The following UBE3D variants were observed in gnomAD, a reference collection of about 807,000 sequenced individuals.
UBE3D encodes the protein E3 ubiquitin-protein ligase E3D.
A neutral mutation model predicts 49.6 loss-of-function variants in UBE3D; 48 were observed. The observed-to-expected ratio is 0.97, with a 90% CI of 0.77 to 1.23. The LOEUF (loss-of-function observed/expected upper bound fraction) is 1.23. Among genes scored for constraint, UBE3D ranks in the 50% most tolerant of loss-of-function variants. UBE3D has a pLI of 0.00. For missense variants in UBE3D, 452 were observed against 468.4 expected, an observed-to-expected ratio of 0.96 and a Z score of 0.32; for synonymous variants, 189 against 174.2, an observed-to-expected ratio of 1.08 and a Z score of -0.67.
At chr6:82,888,438 G>A (rs1427798397), downstream of UBE3D, among the ~76,000 whole-genome samples, 1 of 151,716 alleles carries the variant, frequency 6.6e-6, no homozygotes, top group African/African-American at 2.4e-5. Context: ...TTTAATCTAT[G>A]AAATGTTAAA....
chr6:83,010,579 C>G (rs2127758226), intron 8 of UBE3D, among the ~76,000 whole-genome samples: 1 of 149,428 alleles, frequency 6.7e-6, no homozygotes, highest in South Asian at 2.1e-4. Context: ...ACTAATAGGA[C>G]AGATATATAC....
downstream of UBE3D, among the ~76,000 whole-genome samples, chr6:82,889,550 GGAATT>G (rs1433654672): frequency 6.6e-6 from 1 of 152,102 alleles, no homozygotes; most frequent in East Asian, 1.9e-4. Flanking sequence ...AGCTCTTGAT[GGAATT>G]GAATTATTTT....
At chr6:82,907,530 C>T (rs148831017) in intron 9 of UBE3D, among the ~76,000 whole-genome samples, 2 of 152,216 alleles carry the variant, frequency 1.3e-5, no homozygotes, top group Non-Finnish European at 2.9e-5. Context: ...GGGAACAGGA[C>T]TCCTACAATC....
chr6:82,974,712 C>T (rs1370535007), intron 8 of UBE3D, among the ~76,000 whole-genome samples: 2 of 150,954 alleles, frequency 1.3e-5, no homozygotes, highest in Admixed American at 6.6e-5. Context: ...ATTCTAGAAA[C>T]GTTGTAAAGT....
intron 2 of UBE3D, among the ~76,000 whole-genome samples, chr6:83,056,195 A>G (rs769858822): frequency 1.1e-4 from 16 of 152,252 alleles, no homozygotes; most frequent in Non-Finnish European, 2.1e-4. Flanking sequence ...ATTCAGTTAC[A>G]GAATACAGAA....
At chr6:82,946,392 T>C (rs916388613) in intron 9 of UBE3D, among the ~76,000 whole-genome samples, 2 of 152,038 alleles carry the variant, frequency 1.3e-5, no homozygotes, top group African/African-American at 4.8e-5. Flanking sequence ...AAATTTACCC[T>C]AGAGTAGTAT....
intron 9 of UBE3D, among the ~76,000 whole-genome samples, chr6:82,942,940 G>A (rs1328170630): frequency 1.3e-5 from 2 of 152,196 alleles, no homozygotes; most frequent in African/African-American, 2.4e-5. Flanking sequence ...TCCACCGACA[G>A]CTTGCACTGT....
chr6:83,046,230 C>T (rs551506672), intron 3 of UBE3D, among the ~76,000 whole-genome samples: 1 of 151,456 alleles, frequency 6.6e-6, no homozygotes, highest in Non-Finnish European at 1.5e-5. Context: ...AATGTGAATG[C>T]TACTTTTTTT....
rs199506063 is a variant in UBE3D, at chr6:83,016,606, CAT to C, written c.1010+2365_1010+2366del. ...GGACGGAACTAATAGGATATATAGA[CAT>C]ATATATATGTAAATCTTTATATATA... On this transcript the variant is annotated intron_variant, in intron 8 of 9. Transcript: ENST00000369747. Among the ~76,000 whole-genome samples the C allele has an allele frequency of 9.6e-3, 1,459 of 151,498 alleles. 20 individuals carry two copies. Among genetic ancestry groups the C allele is most frequent in the African/African-American group, 0.033 (1,383 of 41,294 alleles).
intron 4 of UBE3D, among the ~76,000 whole-genome samples, chr6:83,044,121 A>G (rs1782859906): frequency 6.6e-6 from 1 of 152,240 alleles, no homozygotes; most frequent in Admixed American, 6.5e-5. Context: ...TAAAATGCAC[A>G]CAAATTATGC....
At chr6:83,029,798 G>A (rs1201829740) in intron 5 of UBE3D, among the ~76,000 whole-genome samples, 4 of 152,154 alleles carry the variant, frequency 2.6e-5, no homozygotes, top group Non-Finnish European at 5.9e-5. Context: ...CCCACAGTAT[G>A]TAGCCACTAA....
intron 3 of UBE3D, among the ~76,000 whole-genome samples, chr6:83,053,319 C>G (rs1783593157): frequency 6.6e-6 from 1 of 152,220 alleles, no homozygotes; most frequent in Admixed American, 6.5e-5. Context: ...AAGCAGGTTT[C>G]AGACAGGAAG....
At chr6:83,058,299 G>A (rs1783946019) in intron 1 of UBE3D, among the ~76,000 whole-genome samples, 1 of 152,142 alleles carries the variant, frequency 6.6e-6, no homozygotes. Context: ...ATGTTTTATA[G>A]TAAATCAGAG....
downstream of UBE3D, among the ~76,000 whole-genome samples, chr6:82,887,730 G>T (rs2127707494): frequency 6.6e-6 from 1 of 150,532 alleles, no homozygotes; most frequent in East Asian, 1.9e-4. Flanking sequence ...AGAAAGAAAA[G>T]AAAAGAATAT....
intron 9 of UBE3D, among the ~76,000 whole-genome samples, chr6:82,934,998 T>C (rs1300384090): frequency 7.1e-6 from 1 of 140,056 alleles, no homozygotes; most frequent in African/African-American, 2.6e-5. Context: ...GCAAGGAGAA[T>C]GCAAGAATGA....
intron 4 of UBE3D, among the ~76,000 whole-genome samples, chr6:83,043,989 C>T (rs1440203247): frequency 6.6e-6 from 1 of 152,126 alleles, no homozygotes; most frequent in Non-Finnish European, 1.5e-5. Flanking sequence ...GATGACATCT[C>T]CATTTATGAC....
chr6:82,886,916 G>A, the UBE3D span, among the ~76,000 whole-genome samples: 1 of 152,034 alleles, frequency 6.6e-6, no homozygotes, highest in Non-Finnish European at 1.5e-5. Flanking sequence ...CTTATTTCAA[G>A]AATTTTTTTA....
At chr6:82,893,276 AAT>A (rs1771070069) in intron 9 of UBE3D, among the ~76,000 whole-genome samples, 1 of 152,164 alleles carries the variant, frequency 6.6e-6, no homozygotes, top group East Asian at 1.9e-4. Flanking sequence ...AAAGGAGAAA[AAT>A]AGAGTTTTAA....
intron 9 of UBE3D, among the ~76,000 whole-genome samples, chr6:82,942,820 T>C (rs975537066): frequency 6.6e-6 from 1 of 152,138 alleles, no homozygotes; most frequent in Non-Finnish European, 1.5e-5. Context: ...GCTAGGGCAG[T>C]GAGGAGCAGA....
Sources: allele counts gnomAD v4.1 joint callset (sites outside exome capture counted in the v4.1 genomes callset), GRCh38; gene constraint gnomAD v4.1.1; transcripts MANE v1.5; gene names NCBI Gene and HGNC (gene_info 2026-07-23, HGNC 2026-07-21).